Variants in C1orf87 observed in about 807,000 individuals in gnomAD.
The protein encoded by C1orf87 is uncharacterized protein C1orf87.
In C1orf87, 58 loss-of-function variants were observed where a neutral mutation model predicts 60.5. The observed-to-expected ratio is 0.96, with a 90% CI of 0.78 to 1.19. The LOEUF is 1.19. Ranked by LOEUF, C1orf87 falls within the 50% of genes most tolerant of loss-of-function variation. The probability of loss-of-function intolerance (pLI) is 0.00; values close to 1 mark genes in which losing one functional copy is unlikely to be tolerated. For synonymous variants in C1orf87, 236 were observed against 227.4 expected (o/e 1.04, Z -0.34); for missense variants, 673 against 638.6 (o/e 1.05, Z -0.58).
At position 59,999,084 on chromosome 1, in the gene C1orf87, C is replaced by G. The variant is rs140480926; in HGVS notation, c.1273-1268G>C. On this transcript the variant is annotated intron_variant, in intron 10 of 11. Transcript: ENST00000371201. ...TTTTTCCAATTTTGTACCTTTGTCTCAAACTTCTCGTATATAAGCTGTGAG... is the reference window on the plus strand; with the variant it reads ...TTTTTCCAATTTTGTACCTTTGTCTGAAACTTCTCGTATATAAGCTGTGAG... 2.1e-3 allele frequency among the ~76,000 whole-genome samples: 317 copies of G among 152,238 alleles called. 2 individuals are homozygous for G. The highest frequency in any genetic ancestry group is 7.2e-3 in the African/African-American group (299 of 41,558).
rs142814016 is a variant in C1orf87, at chr1:60,059,130, C to T, written c.108-3692G>A. ...TGAAAATTATCAAGAAAATGACTCT[C>T]TAGCTGAGAAACGGCATGTGTCTGT... On this transcript the variant is annotated intron_variant, in intron 2 of 11. Coordinates refer to ENST00000371201, the MANE Select transcript of C1orf87 (RefSeq NM_152377.3). 2.3e-4 allele frequency among the ~76,000 whole-genome samples: 35 copies of T among 152,300 alleles called. 1 individual carries two copies. In the East Asian group the frequency reaches 6.8e-3, roughly 29 times the overall value.
At chr1:60,053,544 C>T (rs1350041393) in intron 3 of C1orf87, among the ~76,000 whole-genome samples, 1 of 151,502 alleles carries the variant, frequency 6.6e-6, no homozygotes, top group African/African-American at 2.4e-5. Flanking sequence ...AAAGATGATG[C>T]GTAGGATGAT....
At chr1:60,059,377 C>A (rs980882460) in intron 2 of C1orf87, among the ~76,000 whole-genome samples, 5 of 152,080 alleles carry the variant, frequency 3.3e-5, no homozygotes, top group African/African-American at 9.7e-5. Context: ...CTGGGGGTGC[C>A]GTGAAGAGTT....
intron 2 of C1orf87, among the ~76,000 whole-genome samples, chr1:60,060,430 T>A (rs1422010492): frequency 6.6e-6 from 1 of 152,202 alleles, no homozygotes; most frequent in East Asian, 1.9e-4. Context: ...AGTAATTTTA[T>A]GTTAATCATA....
intron 5 of C1orf87, 24 bp from the exon 6 acceptor site, chr1:60,038,131 A>G (rs1435363418): frequency 1.4e-6 from 2 of 1,407,160 alleles, no homozygotes. Context: ...GTAAAATAGA[A>G]CATCCTCATT....
chr1:60,030,094 C>T (rs1019135700), intron 7 of C1orf87, among the ~76,000 whole-genome samples: 28 of 152,226 alleles, frequency 1.8e-4, no homozygotes, highest in Admixed American at 8.5e-4. Context: ...ATTGTGATGA[C>T]GTATTTAAAA....
intron 2 of C1orf87, among the ~76,000 whole-genome samples, chr1:60,057,883 CA>C (rs1645468361): frequency 6.6e-6 from 1 of 152,080 alleles, no homozygotes; most frequent in Non-Finnish European, 1.5e-5. Flanking sequence ...GGTTAAAGAC[CA>C]TTGATTTTTG....
intron 6 of C1orf87, among the ~76,000 whole-genome samples, chr1:60,036,776 T>G (rs1243454511): frequency 6.6e-6 from 1 of 152,234 alleles, no homozygotes; most frequent in Non-Finnish European, 1.5e-5. Flanking sequence ...GCGTTTCATT[T>G]CTGATTATAT....
At chr1:60,021,982 G>A (rs527294642) in intron 8 of C1orf87, among the ~76,000 whole-genome samples, 1 of 152,228 alleles carries the variant, frequency 6.6e-6, no homozygotes, top group South Asian at 2.1e-4. Context: ...AAAGATAGGT[G>A]TTAAGGTGAA....
intron 3 of C1orf87, among the ~76,000 whole-genome samples, chr1:60,051,154 G>A (rs1645411678): frequency 6.6e-6 from 1 of 152,200 alleles, no homozygotes; most frequent in Admixed American, 6.5e-5. Flanking sequence ...GAGATGTGGG[G>A]ATGAAAGTGA....
chr1:60,002,411 T>A, intron 9 of C1orf87, among the ~76,000 whole-genome samples: 1 of 152,104 alleles, frequency 6.6e-6, no homozygotes, highest in East Asian at 1.9e-4. Flanking sequence ...CATGTGTTTT[T>A]TGGCTGCATA....
chr1:60,026,921 A>C (rs1280564747), intron 7 of C1orf87, among the ~76,000 whole-genome samples: 1 of 152,190 alleles, frequency 6.6e-6, no homozygotes, highest in Non-Finnish European at 1.5e-5. Flanking sequence ...TGTATAAGTG[A>C]TATACAAAAC....
intron 8 of C1orf87, chr1:60,011,057 T>C (rs536941009): frequency 3.3e-5 from 5 of 151,874 alleles, no homozygotes; most frequent in Admixed American, 6.6e-5. Context: ...CCTTCACAAG[T>C]ATGGAAAGCA....
intron 7 of C1orf87, among the ~76,000 whole-genome samples, chr1:60,028,113 G>A (rs957548645): frequency 5.3e-5 from 8 of 152,182 alleles, no homozygotes; most frequent in African/African-American, 1.9e-4. Flanking sequence ...ATGTGTATGA[G>A]TGGAGGTTGG....
At chr1:60,046,306 C>T (rs556136309) in intron 3 of C1orf87, among the ~76,000 whole-genome samples, 34 of 131,858 alleles carry the variant, frequency 2.6e-4, no homozygotes, top group Admixed American at 6.9e-4. Flanking sequence ...CTCTCTCCCT[C>T]CCTCCCCTAC....
At chr1:60,017,976 G>A (rs1334191307) in intron 8 of C1orf87, among the ~76,000 whole-genome samples, 1 of 152,144 alleles carries the variant, frequency 6.6e-6, no homozygotes. Context: ...TTGGTTAGAT[G>A]GGGCTAATCC....
intron 11 of C1orf87, among the ~76,000 whole-genome samples, chr1:59,995,148 A>C (rs903984759): frequency 1.3e-5 from 2 of 152,208 alleles, no homozygotes; most frequent in African/African-American, 4.8e-5. Context: ...AAGCATGAGA[A>C]ATCTCCCAGT....
intron 7 of C1orf87, among the ~76,000 whole-genome samples, chr1:60,025,905 G>C (rs963221946): frequency 6.6e-6 from 1 of 152,146 alleles, no homozygotes; most frequent in Non-Finnish European, 1.5e-5. Flanking sequence ...TGTATTAGCA[G>C]GGTTAATATT....
chr1:60,029,807 A>G (rs1557467032), intron 7 of C1orf87, among the ~76,000 whole-genome samples: 1 of 151,508 alleles, frequency 6.6e-6, no homozygotes, highest in African/African-American at 2.4e-5. Flanking sequence ...TGCCCGGCTA[A>G]TTTTTTTATT....
Sources: gnomAD v4.1 joint callset for allele counts (sites outside exome capture counted in the v4.1 genomes callset) on GRCh38, gnomAD v4.1.1 for gene constraint, MANE v1.5 for transcripts, NCBI Gene and HGNC (gene_info 2026-07-23, HGNC 2026-07-21) for gene names.